The following MVB12B variants were observed in gnomAD, a reference collection of about 807,000 sequenced individuals.
MVB12B encodes the protein multivesicular body subunit 12B.
A neutral mutation model predicts 41.6 loss-of-function variants in MVB12B; 16 were observed. The observed-to-expected ratio is 0.38, with a 90% CI of 0.26 to 0.58. MVB12B has a LOEUF of 0.58. MVB12B is among the 20% of genes least tolerant of loss of function. MVB12B has a pLI of 0.62. For missense variants in MVB12B, 274 were observed against 380.2 expected (o/e 0.72, Z 2.32); for synonymous variants, 133 against 139.7 (o/e 0.95, Z 0.34).
intron 9 of MVB12B, among the ~76,000 whole-genome samples, chr9:126,499,512 C>G (rs1032952451): frequency 1.3e-5 from 2 of 152,206 alleles, no homozygotes; most frequent in African/African-American, 2.4e-5. Context: ...CTTGAGTAAA[C>G]AGATCCGGGT....
At chr9:126,409,356 C>T (rs1262438104) in intron 6 of MVB12B, among the ~76,000 whole-genome samples, 1 of 141,696 alleles carries the variant, frequency 7.1e-6, no homozygotes, top group Non-Finnish European at 1.5e-5. Flanking sequence ...TCCCTTGGGC[C>T]TTCTTTACAC....
chr9:126,428,715 G>T (rs143709656), intron 7 of MVB12B, among the ~76,000 whole-genome samples: 2 of 152,298 alleles, frequency 1.3e-5, no homozygotes, highest in Non-Finnish European at 2.9e-5. Context: ...CACATTCTGG[G>T]TGTGCCATGT....
rs776358863 is a variant in MVB12B at position 126,395,704 on chromosome 9, C to T, written c.662+7C>T. On this transcript the variant is annotated splice_region_variant and intron_variant, in intron 6 of 9. Transcript: ENST00000361171. The surrounding 1 kb of genome is among the most constrained non-coding windows in gnomAD (Gnocchi z 4.9). ...CAGCCCCCAACCTTCCCAGGTGAGG[C>T]CTTGTCGGGGTGTCTTGCGTTGTCC... 3 of 1,613,878 alleles carry T rather than the reference C, an allele frequency of 1.9e-6. No individual in the cohort carries two copies. The East Asian group carries it at 6.7e-5, about 36-fold the overall frequency.
intron 6 of MVB12B, among the ~76,000 whole-genome samples, chr9:126,410,111 T>C (rs1034882591): frequency 1.3e-5 from 2 of 152,044 alleles, no homozygotes; most frequent in African/African-American, 2.4e-5. Context: ...AGCTTTTTTT[T>C]CCCCTTGTCC....
At chr9:126,418,529 G>T (rs544544390) in intron 6 of MVB12B, among the ~76,000 whole-genome samples, 7 of 152,220 alleles carry the variant, frequency 4.6e-5, no homozygotes, top group African/African-American at 1.4e-4. Flanking sequence ...ATCCACATTG[G>T]CGCCTTAGTT....
At chr9:126,405,953 C>G (rs1831407699) in intron 6 of MVB12B, among the ~76,000 whole-genome samples, 1 of 151,160 alleles carries the variant, frequency 6.6e-6, no homozygotes, top group African/African-American at 2.4e-5. Flanking sequence ...CACACCTACA[C>G]ACACAGAGAT....
At chr9:126,393,948 C>A (rs544395978) in intron 5 of MVB12B, among the ~76,000 whole-genome samples, 2 of 152,238 alleles carry the variant, frequency 1.3e-5, no homozygotes, top group Non-Finnish European at 2.9e-5. Context: ...TAGCCTAGAC[C>A]CGGTGAGACA....
intron 2 of MVB12B, among the ~76,000 whole-genome samples, chr9:126,356,218 C>T (rs146529689): frequency 6.6e-6 from 1 of 152,248 alleles, no homozygotes; most frequent in African/African-American, 2.4e-5. Context: ...TCAAATTGCA[C>T]AAAATACTAT....
chr9:126,327,201 G>A (rs1325683474), intron 1 of MVB12B, 191 bp downstream of exon 1: 4 of 968,194 alleles, frequency 4.1e-6, no homozygotes, highest in Non-Finnish European at 4.9e-6. Flanking sequence ...AGCCCCGAGC[G>A]CGCCGCGGCT....
chr9:126,503,367 A>C lies in MVB12B; in HGVS notation c.*104A>C. The C allele has an allele frequency of 1.1e-5, 10 of 917,054 alleles. No homozygotes were observed. Among genetic ancestry groups the C allele is most frequent in the African/African-American group, 3.3e-5 (2 of 60,650 alleles). 56.8% of individuals were successfully genotyped at this position (917,054 alleles called of 1,614,324 possible). A position where few individuals can be genotyped will look rare whatever the true frequency, so the allele number is the denominator to read the frequency against. On this transcript the variant is annotated 3_prime_UTR_variant, in exon 10 of 10. Coordinates refer to ENST00000361171, the MANE Select transcript of MVB12B (RefSeq NM_033446.3). ...GCCGCCTCCGCCAGCCCTCCCTCCC[A>C]CACTGCCCCAGCAGGGCTGGCCCGG...
chr9:126,407,423 A>G (rs1564314311), intron 6 of MVB12B, among the ~76,000 whole-genome samples: 1 of 152,206 alleles, frequency 6.6e-6, no homozygotes, highest in Non-Finnish European at 1.5e-5. Context: ...GTCACGTTCA[A>G]TAGGACACGT....
At chr9:126,398,368 G>A (rs977210992) in intron 6 of MVB12B, among the ~76,000 whole-genome samples, 4 of 152,072 alleles carry the variant, frequency 2.6e-5, no homozygotes, top group South Asian at 2.1e-4. Context: ...AGCACTGCGC[G>A]GGTCTTTTCC....
rs1397225235 is a variant in MVB12B at position 126,376,595 on chromosome 9, T to C, written c.205-4469T>C. On this transcript the variant is annotated intron_variant, in intron 2 of 9. Coordinates refer to ENST00000361171, the MANE Select transcript of MVB12B (RefSeq NM_033446.3). This position sits in a 1 kb window ranked among gnomAD's most constrained non-coding sequence, Gnocchi z 4.1. ...CAGAGACAAAGCCCTCAGTGTCCAG[T>C]GTTCAGGGGAGGCGGCTGGAAGCAA... The C allele has an allele frequency of 1.6e-6, 2 of 1,289,146 alleles. No homozygotes were observed. The highest frequency in any genetic ancestry group is 1.1e-4 in the East Asian group (2 of 18,032). The allele number at this position is 1,289,146 out of a possible 1,614,324, so 79.9% of individuals were successfully genotyped here.
chr9:126,372,415 C>G (rs1308991314), intron 2 of MVB12B, among the ~76,000 whole-genome samples: 1 of 152,186 alleles, frequency 6.6e-6, no homozygotes, highest in Admixed American at 6.5e-5. Flanking sequence ...GGGTCATATG[C>G]TAACTCTATG....
chr9:126,344,691 C>T (rs1239896834), intron 2 of MVB12B, among the ~76,000 whole-genome samples: 6 of 152,212 alleles, frequency 3.9e-5, no homozygotes, highest in East Asian at 1.9e-4. Flanking sequence ...GCTGCCATGA[C>T]GCTATCCCTA....
At chr9:126,456,618 G>T (rs1220547110) in intron 7 of MVB12B, among the ~76,000 whole-genome samples, 1 of 152,168 alleles carries the variant, frequency 6.6e-6, no homozygotes, top group African/African-American at 2.4e-5. Flanking sequence ...AAGCCTGACT[G>T]AATCATAAAG....
At chr9:126,497,579 C>T (rs1474819849) in intron 9 of MVB12B, among the ~76,000 whole-genome samples, 1 of 152,128 alleles carries the variant, frequency 6.6e-6, no homozygotes, top group Non-Finnish European at 1.5e-5. Flanking sequence ...GCTCCAGGCC[C>T]AGCTACAGGG....
chr9:126,352,531 G>C (rs1428812693), intron 2 of MVB12B, among the ~76,000 whole-genome samples: 1 of 152,164 alleles, frequency 6.6e-6, no homozygotes, highest in African/African-American at 2.4e-5. Context: ...GTTTACTGCT[G>C]TTTCTGGGTT....
intron 7 of MVB12B, among the ~76,000 whole-genome samples, chr9:126,443,415 T>A (rs1832689917): frequency 6.6e-6 from 1 of 152,188 alleles, no homozygotes; most frequent in Non-Finnish European, 1.5e-5. Context: ...CACCCGTCAT[T>A]TCCGGTAAGA....
Sources: gnomAD v4.1 joint callset for allele counts (sites outside exome capture counted in the v4.1 genomes callset) on GRCh38, gnomAD v4.1.1 for gene constraint, Gnocchi (gnomAD v3.1) non-coding constraint, MANE v1.5 for transcripts, NCBI Gene and HGNC (gene_info 2026-07-23, HGNC 2026-07-21) for gene names.